TMEM71: variants seen among roughly 807,000 people sequenced by gnomAD.
The protein encoded by TMEM71 is transmembrane protein 71.
Under a neutral mutation model 38.0 loss-of-function variants are expected in TMEM71, and 44 were observed. That is an observed-to-expected ratio of 1.16 (90% CI 0.91 to 1.49). TMEM71 has a LOEUF of 1.49. TMEM71 is among the 40% of genes most tolerant of loss of function. The probability of loss-of-function intolerance (pLI) is 0.00; values close to 1 mark genes in which losing one functional copy is unlikely to be tolerated. For missense variants in TMEM71, 367 were observed against 348.6 expected, an observed-to-expected ratio of 1.05 and a Z score of -0.42; for synonymous variants, 133 against 122.5, an observed-to-expected ratio of 1.09 and a Z score of -0.56.
At chr8:132,761,491 C>T (rs974816270), upstream of TMEM71, among the ~76,000 whole-genome samples, 4 of 152,174 alleles carry the variant, frequency 2.6e-5, no homozygotes, top group Middle Eastern at 3.2e-3. Flanking sequence ...CCAGTTGGTC[C>T]GGCTGGCGGA....
chr8:132,729,663 C>T (rs527429911), intron 5 of TMEM71, among the ~76,000 whole-genome samples: 1 of 152,184 alleles, frequency 6.6e-6, no homozygotes, highest in African/African-American at 2.4e-5. Flanking sequence ...ACGCTGTGGA[C>T]AAAGCTGCCA....
At chr8:132,763,754 A>C (rs925967385), upstream of TMEM71, among the ~76,000 whole-genome samples, 4 of 152,248 alleles carry the variant, frequency 2.6e-5, no homozygotes, top group African/African-American at 9.6e-5. Flanking sequence ...GTTGCAAATG[A>C]ATCACAGAGG....
chr8:132,751,832 A>C lies in TMEM71; in HGVS notation c.267T>G (p.Thr89=), dbSNP rs1240342206. 6.2e-7 allele frequency: 1 copy of C among 1,613,926 alleles called. No homozygotes were observed. The highest frequency in any genetic ancestry group is 8.5e-7 in the Non-Finnish European group (1 of 1,180,042). ...SFLCDKDGNI[T]LNPSQTSVMY... The stretch of plus-strand genomic sequence containing the variant: ...TAACGCTGGTCTGGGATGGGTTCAG[A>C]GTTATGTTGCCATCTTTGTCGCACA... The change falls in exon 4 of 10, where the codon ACT becomes ACG. Residue 89 remains threonine (T), a synonymous_variant. Coordinates refer to ENST00000677595, the MANE Select transcript of TMEM71 (RefSeq NM_001382403.1).
upstream of TMEM71, among the ~76,000 whole-genome samples, chr8:132,763,951 G>T (rs956055044): frequency 1.3e-5 from 2 of 152,200 alleles, no homozygotes; most frequent in African/African-American, 4.8e-5. Flanking sequence ...GAACAAACAT[G>T]TCTGCATGCT....
upstream of TMEM71, chr8:132,760,655 C>T (rs974942319): frequency 1.3e-5 from 2 of 152,338 alleles, no homozygotes; most frequent in East Asian, 3.9e-4. Flanking sequence ...TAACCAGAGG[C>T]AAAGAAGCAG....
downstream of TMEM71, among the ~76,000 whole-genome samples, chr8:132,706,214 A>C (rs1424618646): frequency 6.6e-6 from 1 of 152,166 alleles, no homozygotes; most frequent in Non-Finnish European, 1.5e-5. Flanking sequence ...CTGAATCTAC[A>C]GTATTTTCTT....
chr8:132,752,676 A>G (rs892253840), intron 3 of TMEM71, among the ~76,000 whole-genome samples: 4 of 151,940 alleles, frequency 2.6e-5, no homozygotes, highest in African/African-American at 9.7e-5. Flanking sequence ...TCGAAGCTGC[A>G]GTGTGCTATT....
chr8:132,705,882 G>A (rs952427061), downstream of TMEM71, among the ~76,000 whole-genome samples: 35 of 152,134 alleles, frequency 2.3e-4, no homozygotes, highest in African/African-American at 8.2e-4. Flanking sequence ...TGGTAACTGA[G>A]TATTATGTAC....
the TMEM71 span, chr8:132,775,406 AGGCGGCGGCGGC>A: frequency 7.6e-4 from 290 of 382,656 alleles, no homozygotes; most frequent in East Asian, 8.3e-3. Flanking sequence ...CCGGCGGCGG[AGGCGGCGGCGGC>A]GGCGGCGATG....
At chr8:132,775,320 G>C in the TMEM71 span, 5 of 343,116 alleles carry the variant, frequency 1.5e-5, no homozygotes, top group Non-Finnish European at 2.1e-5. Context: ...CGTGAGTCAC[G>C]TGACAAGGCC....
intron 6 of TMEM71, among the ~76,000 whole-genome samples, chr8:132,724,820 G>C (rs1455815644): frequency 6.6e-6 from 1 of 152,042 alleles, no homozygotes; most frequent in East Asian, 1.9e-4. Context: ...CCTCCATTCA[G>C]GGTCCCTGAC....
chr8:132,713,776 A>C (rs1223938249), intron 9 of TMEM71, among the ~76,000 whole-genome samples: 1 of 152,212 alleles, frequency 6.6e-6, no homozygotes, highest in South Asian at 2.1e-4. Flanking sequence ...CTTTCAAATT[A>C]TTTTCTAAGT....
rs1356998518 is a variant in TMEM71 at position 132,746,452 on chromosome 8, CATATATATATACAT to C, written c.487+476_487+489del. Among the ~76,000 whole-genome samples the C allele has an allele frequency of 4.6e-3, 83 of 17,916 alleles. 2 individuals are homozygous for C. Among genetic ancestry groups the C allele is most frequent in the Non-Finnish European group, 1.9e-3 (13 of 6,770 alleles). The allele number at this position is 17,916 out of a possible 152,430, so 11.8% of individuals were successfully genotyped here. The stretch of plus-strand genomic sequence containing the variant: ...ACATATATATATACATATACATATA[CATATATATATACAT>C]ATATATATACATATATATATACATA... On this transcript the variant is annotated intron_variant, in intron 5 of 9. Transcript: ENST00000677595.
rs371159572 is a variant in TMEM71 at position 132,720,295 on chromosome 8, G to A, written c.752+1745C>T. On this transcript the variant is annotated intron_variant, in intron 7 of 9. Transcript: ENST00000677595. The stretch of plus-strand genomic sequence containing the variant: ...CTTAAAGGATTAAGAGTTAAGCTCC[G>A]CCTCTTAAGGGAGGAGTATCCACAA... Among the ~76,000 whole-genome samples, 13 of 152,214 alleles carry A rather than the reference G, an allele frequency of 8.5e-5. No homozygotes were observed. In the South Asian group the frequency reaches 1.2e-3, roughly 15 times the overall value.
intron 6 of TMEM71, among the ~76,000 whole-genome samples, chr8:132,724,804 C>T (rs1005245915): frequency 2.6e-5 from 4 of 152,190 alleles, no homozygotes; most frequent in Non-Finnish European, 4.4e-5. Context: ...GCAGCTCCAG[C>T]TAGTCCCTCC....
chr8:132,750,130 G>A (rs1828622858), intron 4 of TMEM71, among the ~76,000 whole-genome samples: 1 of 152,082 alleles, frequency 6.6e-6, no homozygotes, highest in Admixed American at 6.5e-5. Flanking sequence ...TATCCTGACT[G>A]ACTGACTAAA....
chr8:132,733,633 A>G (rs1406368341), intron 5 of TMEM71, among the ~76,000 whole-genome samples: 1 of 152,144 alleles, frequency 6.6e-6, no homozygotes, highest in Non-Finnish European at 1.5e-5. Flanking sequence ...TGCCATAGAG[A>G]AAGGAGTGAC....
At chr8:132,749,479 C>T (rs1481196678) in intron 4 of TMEM71, among the ~76,000 whole-genome samples, 2 of 152,228 alleles carry the variant, frequency 1.3e-5, no homozygotes, top group Non-Finnish European at 2.9e-5. Context: ...CTCCCCAGTG[C>T]AATGTGAGCA....
Position 132,732,272 on chromosome 8 carries a change from C to T in TMEM71, c.488-4286G>A, listed in dbSNP as rs149978166. On this transcript the variant is annotated intron_variant, in intron 5 of 9. Transcript: ENST00000677595. ...CAAGGAGGCTTCACAGAGGAGGCAGCGCTTCAGTGGAAACTGGAAGGATGA... is the reference window on the plus strand; with the variant it reads ...CAAGGAGGCTTCACAGAGGAGGCAGTGCTTCAGTGGAAACTGGAAGGATGA... 3.2e-4 allele frequency among the ~76,000 whole-genome samples: 49 copies of T among 152,180 alleles called. No homozygotes were observed. The East Asian group carries it at 7.9e-3, about 25-fold the overall frequency.
Sources: gnomAD v4.1 joint callset for allele counts (sites outside exome capture counted in the v4.1 genomes callset) on GRCh38, gnomAD v4.1.1 for gene constraint, MANE v1.5 for transcripts, NCBI Gene and HGNC (gene_info 2026-07-23, HGNC 2026-07-21) for gene names.